The following CCDC192 variants were observed in gnomAD, a reference collection of about 807,000 sequenced individuals.
CCDC192 encodes coiled-coil domain-containing protein 192.
rs1160083895 is a variant in CCDC192 at position 127,941,241 on chromosome 5, A to G, written c.595A>G (p.Lys199Glu). 4 of 398,930 alleles carry G rather than the reference A, an allele frequency of 1.0e-5. No homozygotes were observed. Among genetic ancestry groups the G allele is most frequent in the African/African-American group, 8.2e-5 (4 of 48,632 alleles). The allele number at this position is 398,930 out of a possible 1,614,324, so 24.7% of individuals were successfully genotyped here. A position where few individuals can be genotyped will look rare whatever the true frequency, so the allele number is the denominator to read the frequency against. ...GLPPVEEGDR[K>E]ISLIMELSTQ... ...CCCACCTGTGGAAGAAGGTGATAGA[A>G]AAATTAGCCTGATAATGGAACTGTC... The change falls in exon 7 of 7, where the codon AAA (lysine) becomes GAA (glutamate). Residue 199 changes from lysine to glutamate, a missense_variant. Transcript: ENST00000514853.
At chr5:127,824,190 G>C (rs1749420480) in intron 5 of CCDC192, among the ~76,000 whole-genome samples, 1 of 152,188 alleles carries the variant, frequency 6.6e-6, no homozygotes, top group South Asian at 2.1e-4. Flanking sequence ...TAGCAGCTGT[G>C]CTAGGGTTTC....
intron 5 of CCDC192, among the ~76,000 whole-genome samples, chr5:127,827,136 T>C (rs539441479): frequency 6.6e-6 from 1 of 152,324 alleles, no homozygotes; most frequent in East Asian, 1.9e-4. Flanking sequence ...AGTGAGACAT[T>C]TGTAGGGCTG....
intron 6 of CCDC192, among the ~76,000 whole-genome samples, chr5:127,928,383 G>T (rs1254869001): frequency 2.0e-5 from 3 of 152,090 alleles, no homozygotes; most frequent in Non-Finnish European, 4.4e-5. Context: ...TCCTTGGCTT[G>T]TAGCCCCTGT....
At chr5:127,786,532 T>G (rs1756547944) in intron 3 of CCDC192, 2 of 640,856 alleles carry the variant, frequency 3.1e-6, no homozygotes, top group Non-Finnish European at 5.8e-6. Context: ...GTTTATTCAG[T>G]GGCCTAAATG....
chr5:127,937,373 G>GA (rs1464726934), intron 6 of CCDC192, among the ~76,000 whole-genome samples: 1 of 152,088 alleles, frequency 6.6e-6, no homozygotes, highest in Non-Finnish European at 1.5e-5. Flanking sequence ...GGCATTTGGA[G>GA]ATGGGGCCTG....
intron 6 of CCDC192, among the ~76,000 whole-genome samples, chr5:127,928,451 C>A (rs1753925317): frequency 6.6e-6 from 1 of 152,218 alleles, no homozygotes; most frequent in Non-Finnish European, 1.5e-5. Flanking sequence ...GACTCTGACC[C>A]CCTACTTCCC....
intron 3 of CCDC192, among the ~76,000 whole-genome samples, chr5:127,758,899 C>T (rs1196906616): frequency 6.6e-6 from 1 of 152,198 alleles, no homozygotes; most frequent in Non-Finnish European, 1.5e-5. Flanking sequence ...AGCTTTTGTG[C>T]TGAGACAAAA....
intron 6 of CCDC192, among the ~76,000 whole-genome samples, chr5:127,921,686 G>GTC (rs1753726225): frequency 2.0e-5 from 3 of 152,114 alleles, no homozygotes; most frequent in Non-Finnish European, 2.9e-5. Context: ...CGGAGGGGCT[G>GTC]ATTTGTCCAA....
rs1255252299 is a variant in CCDC192, at chr5:127,753,566, C to T, written c.115-702C>T. 3.9e-5 allele frequency among the ~76,000 whole-genome samples: 6 copies of T among 151,952 alleles called. No individual in the cohort carries two copies. The South Asian group carries it at 6.2e-4, about 16-fold the overall frequency. On this transcript the variant is annotated intron_variant, in intron 2 of 6. Coordinates refer to ENST00000514853, the MANE Select transcript of CCDC192 (RefSeq NM_001317938.2). Reference sequence around the variant, plus strand: ...TAAAAATTATCCAGGCATGGTGGCGCGTGCCTGTAATCTCCAGGGGCTGAG... The same window carrying T: ...TAAAAATTATCCAGGCATGGTGGCGTGTGCCTGTAATCTCCAGGGGCTGAG...
At chr5:127,828,025 G>C (rs1299506029) in intron 5 of CCDC192, among the ~76,000 whole-genome samples, 1 of 152,136 alleles carries the variant, frequency 6.6e-6, no homozygotes, top group Non-Finnish European at 1.5e-5. Flanking sequence ...TCCTGCCTCA[G>C]CCTCCTGAGT....
At chr5:127,706,058 CTTAA>C (rs1433500398) in intron 1 of CCDC192, among the ~76,000 whole-genome samples, 3 of 152,062 alleles carry the variant, frequency 2.0e-5, no homozygotes, top group African/African-American at 4.8e-5. Flanking sequence ...TAAGTGAGAA[CTTAA>C]TTAATTTTGT....
chr5:127,826,351 C>T lies in CCDC192; in HGVS notation c.411+28189C>T, dbSNP rs893958724. Among the ~76,000 whole-genome samples, 6 of 152,054 alleles carry T rather than the reference C, an allele frequency of 3.9e-5. No individual in the cohort carries two copies. In the South Asian group the frequency reaches 6.2e-4, roughly 16 times the overall value. On this transcript the variant is annotated intron_variant, in intron 5 of 6. Coordinates refer to ENST00000514853, the MANE Select transcript of CCDC192 (RefSeq NM_001317938.2). ...CTGTTAGTGAAAATGTAAATTCATT[C>T]GGCCTCTGTGGAAAGCAGTTTGGAG...
chr5:127,825,428 A>G (rs555081528), intron 5 of CCDC192, among the ~76,000 whole-genome samples: 1 of 152,302 alleles, frequency 6.6e-6, no homozygotes, highest in East Asian at 1.9e-4. Context: ...TTGATGCAAG[A>G]CTGGAACCTC....
chr5:127,883,914 G>A (rs1026982157), intron 6 of CCDC192, among the ~76,000 whole-genome samples: 2 of 152,122 alleles, frequency 1.3e-5, no homozygotes, highest in African/African-American at 4.8e-5. Flanking sequence ...GCTGAACCGC[G>A]GGCTTTCTAG....
At chr5:127,874,351 CTAGAAGA>C (rs1185280817) in intron 5 of CCDC192, among the ~76,000 whole-genome samples, 1 of 152,136 alleles carries the variant, frequency 6.6e-6, no homozygotes, top group Non-Finnish European at 1.5e-5. Context: ...TGTTTGGGGT[CTAGAAGA>C]TAACCTGATC....
chr5:127,738,599 G>C (rs1395815762), intron 2 of CCDC192, among the ~76,000 whole-genome samples: 3 of 147,242 alleles, frequency 2.0e-5, no homozygotes, highest in Non-Finnish European at 3.0e-5. Context: ...TTTTCACATA[G>C]TCCCATATTT....
intron 5 of CCDC192, among the ~76,000 whole-genome samples, chr5:127,832,376 C>T (rs887235782): frequency 6.6e-6 from 1 of 152,142 alleles, no homozygotes; most frequent in Non-Finnish European, 1.5e-5. Flanking sequence ...CTGTGCAATC[C>T]CACTTCTGTG....
intron 5 of CCDC192, among the ~76,000 whole-genome samples, chr5:127,806,280 A>G (rs966481536): frequency 3.3e-5 from 5 of 152,104 alleles, no homozygotes; most frequent in Admixed American, 6.6e-5. Context: ...TACATCACAC[A>G]AGGACCCTGG....
At chr5:127,884,516 G>T (rs976871453) in intron 6 of CCDC192, among the ~76,000 whole-genome samples, 1 of 151,876 alleles carries the variant, frequency 6.6e-6, no homozygotes. Flanking sequence ...CCAACTCCAG[G>T]TAACAGAGCT....
Sources: allele counts gnomAD v4.1 joint callset (sites outside exome capture counted in the v4.1 genomes callset), GRCh38; gene constraint gnomAD v4.1.1; transcripts MANE v1.5; gene names NCBI Gene and HGNC (gene_info 2026-07-23, HGNC 2026-07-21).